Variants in LIFR observed in about 807,000 individuals in gnomAD.
LIFR encodes the protein leukemia inhibitory factor receptor.
A neutral mutation model predicts 122.2 loss-of-function variants in LIFR; 84 were observed. That is an observed-to-expected ratio of 0.69 (90% CI 0.58 to 0.82). The LOEUF is 0.82. Ranked by LOEUF, LIFR falls within the 40% of genes least tolerant of loss-of-function variation. LIFR has a pLI of 0.00. For missense variants in LIFR, 1,294 were observed against 1,311.6 expected, an observed-to-expected ratio of 0.99 and a Z score of 0.21; for synonymous variants, 422 against 434.7, an observed-to-expected ratio of 0.97 and a Z score of 0.36.
intron 1 of LIFR, among the ~76,000 whole-genome samples, chr5:38,549,452 C>T (rs530272352): frequency 1.3e-5 from 2 of 152,012 alleles, no homozygotes; most frequent in Admixed American, 1.3e-4. Flanking sequence ...TTAATGAGTC[C>T]CCCTATTATT....
At chr5:38,492,505 G>A (rs1744649213) in intron 14 of LIFR, among the ~76,000 whole-genome samples, 1 of 152,070 alleles carries the variant, frequency 6.6e-6, no homozygotes. Context: ...CATGTGGCTG[G>A]GTCCTTGATA....
At chr5:38,590,862 C>A (rs1485064882) in intron 1 of LIFR, among the ~76,000 whole-genome samples, 1 of 152,250 alleles carries the variant, frequency 6.6e-6, no homozygotes. Flanking sequence ...AAATGACTTA[C>A]ACATTTCATT....
rs2112344029 is a variant in LIFR, at chr5:38,479,380, A to G, written c.*2215T>C. 4.3e-6 allele frequency: 1 copy of G among 230,804 alleles called. No individual in the cohort carries two copies. Among genetic ancestry groups the G allele is most frequent in the Middle Eastern group, 1.3e-3 (1 of 774 alleles). The allele number at this position is 230,804 out of a possible 1,614,324, so 14.3% of individuals were successfully genotyped here. A position where few individuals can be genotyped will look rare whatever the true frequency, so the allele number is the denominator to read the frequency against. On this transcript the variant is annotated 3_prime_UTR_variant, in exon 20 of 20. Transcript: ENST00000453190. ...TTCTGCACTTTTTTCATACAGAAAAAAACAATGAAGTCTTGGATAGAACGA... is the reference window on the plus strand; with the variant it reads ...TTCTGCACTTTTTTCATACAGAAAAGAACAATGAAGTCTTGGATAGAACGA...
intron 14 of LIFR, among the ~76,000 whole-genome samples, chr5:38,492,753 CA>C: frequency 6.6e-6 from 1 of 152,274 alleles, no homozygotes; most frequent in South Asian, 2.1e-4. Context: ...TGCTCTTCTG[CA>C]CTTCCCTAAC....
intron 1 of LIFR, among the ~76,000 whole-genome samples, chr5:38,538,371 T>C (rs547461347): frequency 6.6e-6 from 1 of 152,328 alleles, no homozygotes; most frequent in East Asian, 1.9e-4. Context: ...CAGTTACAGA[T>C]TAACCATTCA....
At chr5:38,507,748 T>C (rs747736648) in intron 7 of LIFR, among the ~76,000 whole-genome samples, 28 of 152,008 alleles carry the variant, frequency 1.8e-4, no homozygotes, top group Non-Finnish European at 2.8e-4. Context: ...ACTACTTGTT[T>C]AAAAATTCTG....
At position 38,528,783 on chromosome 5, in the gene LIFR, C is replaced by G. The variant is rs750456380; in HGVS notation, c.200G>C (p.Trp67Ser). 1.9e-6 allele frequency: 3 copies of G among 1,597,388 alleles called. No individual in the cohort carries two copies. In the South Asian group the frequency reaches 3.4e-5, roughly 18 times the overall value. The change falls in exon 3 of 20, where the codon TGG becomes TCG. Residue 67 changes from tryptophan (W) to serine (S), a missense_variant. Transcript: ENST00000453190. ...ACGGCCTGTTCCAGAGGGTGCTTTCCAAGAACAGTTCCACACTTGCAAATT... is the reference window on the plus strand; with the variant it reads ...ACGGCCTGTTCCAGAGGGTGCTTTCGAAGAACAGTTCCACACTTGCAAATT... ...TNNLQVWNCS[W>S]KAPSGTGRGT...
At chr5:38,559,566 A>G (rs1389153513), upstream of LIFR, among the ~76,000 whole-genome samples, 1 of 152,228 alleles carries the variant, frequency 6.6e-6, no homozygotes. Context: ...AATTTCATGA[A>G]GTGTTGCAAA....
In LIFR at chr5:38,493,687, A is replaced by G. The variant is rs1358104388; in HGVS notation, c.1984T>C (p.Cys662Arg). The change falls in exon 14 of 20, where the codon TGT (cysteine) becomes CGT (arginine). Residue 662 changes from cysteine (C) to arginine (R), a missense_variant. By Grantham distance (180) the Cys-to-Arg change is radical (BLOSUM62 -3). Coordinates refer to ENST00000453190, the MANE Select transcript of LIFR (RefSeq NM_001127671.2). ...NMTCDYVIKW[C>R]NSSRSEPCLM... is the part of the protein sequence containing the mutation. ...CATGGTTCCGACCGAGACGAGTTACACCACTTAATGACGTAGTCGCAAGTC... is the reference window on the plus strand; with the variant it reads ...CATGGTTCCGACCGAGACGAGTTACGCCACTTAATGACGTAGTCGCAAGTC... 1.2e-6 allele frequency: 2 copies of G among 1,614,208 alleles called. No homozygotes were observed. Among genetic ancestry groups the G allele is most frequent in the Admixed American group, 3.3e-5 (2 of 60,024 alleles).
rs61091715 is a variant in LIFR at position 38,590,158 on chromosome 5, C to T, written c.-20+5103G>A. The stretch of plus-strand genomic sequence containing the variant: ...CAGAAATATAGGCTTTGATCATTTA[C>T]ATTCTCTGAACAAATTATTTCCACA... On this transcript the variant is annotated intron_variant, in intron 1 of 19. Transcript: ENST00000263409. 8.3e-3 allele frequency among the ~76,000 whole-genome samples: 1,261 copies of T among 152,268 alleles called. 20 individuals are homozygous for T. Among genetic ancestry groups the T allele is most frequent in the East Asian group, 0.04 (209 of 5,188 alleles).
In LIFR at chr5:38,497,348, G is replaced by A. The variant is rs1203189013; in HGVS notation, c.1672-753C>T. ...AACACAGATTTAAAATCCACTGGGA[G>A]CAGGGTAAATCAGGAAAGAGACACT... is the stretch of plus-strand genomic sequence containing the variant. On this transcript the variant is annotated intron_variant, in intron 12 of 19. Coordinates refer to ENST00000453190, the MANE Select transcript of LIFR (RefSeq NM_001127671.2). Among the ~76,000 whole-genome samples, 6 of 152,298 alleles carry A rather than the reference G, an allele frequency of 3.9e-5. No individual in the cohort carries two copies. The East Asian group carries it at 9.6e-4, about 24-fold the overall frequency.
At chr5:38,532,455 T>C (rs1370848780) in intron 1 of LIFR, among the ~76,000 whole-genome samples, 1 of 152,208 alleles carries the variant, frequency 6.6e-6, no homozygotes, top group Non-Finnish European at 1.5e-5. Flanking sequence ...CCATTCCTGC[T>C]GGCAGGGAAC....
chr5:38,508,259 T>C (rs931117941), intron 7 of LIFR, among the ~76,000 whole-genome samples: 3 of 152,184 alleles, frequency 2.0e-5, no homozygotes, highest in African/African-American at 4.8e-5. Flanking sequence ...CATTTTTATA[T>C]ACCAGTCAAT....
chr5:38,485,677 C>A, intron 17 of LIFR, 142 bp downstream of exon 17: 2 of 824,100 alleles, frequency 2.4e-6, no homozygotes, highest in African/African-American at 1.7e-5. Flanking sequence ...GCTTTTTAAC[C>A]CTTCCCTCTA....
At chr5:38,490,456 A>G (rs1744522965) in intron 14 of LIFR, among the ~76,000 whole-genome samples, 165 bp from the exon 15 acceptor site, 1 of 152,220 alleles carries the variant, frequency 6.6e-6, no homozygotes, top group South Asian at 2.1e-4. Context: ...AATATTCAAA[A>G]GAAAATTGAC....
At chr5:38,602,060 C>A (rs1196884418) in intron 2 of LIFR, among the ~76,000 whole-genome samples, 1 of 152,196 alleles carries the variant, frequency 6.6e-6, no homozygotes. Context: ...TTCTCCATTG[C>A]CAATTTCTTG....
chr5:38,501,688 C>A (rs1454159700), intron 11 of LIFR, among the ~76,000 whole-genome samples: 1 of 151,942 alleles, frequency 6.6e-6, no homozygotes, highest in Non-Finnish European at 1.5e-5. Flanking sequence ...TTGCAGTGAG[C>A]CGAGATCGCG....
intron 7 of LIFR, among the ~76,000 whole-genome samples, chr5:38,508,053 A>G (rs1745592560): frequency 6.6e-6 from 1 of 152,182 alleles, no homozygotes; most frequent in Non-Finnish European, 1.5e-5. Flanking sequence ...TGGTTATTTT[A>G]GGATTTGGTA....
chr5:38,597,222 G>C (rs1015669872), upstream of LIFR, among the ~76,000 whole-genome samples: 11 of 152,244 alleles, frequency 7.2e-5, no homozygotes, highest in African/African-American at 2.7e-4. Context: ...GGGTGGTGAG[G>C]AAAGAGCCTT....
Sources: allele counts gnomAD v4.1 joint callset (sites outside exome capture counted in the v4.1 genomes callset), GRCh38; gene constraint gnomAD v4.1.1; transcripts MANE v1.5; gene names NCBI Gene and HGNC (gene_info 2026-07-23, HGNC 2026-07-21).